The following XYLT1 variants were observed in gnomAD, a reference collection of about 807,000 sequenced individuals.
XYLT1 encodes the protein xylosyltransferase 1.
XYLT1 carries 36 observed loss-of-function variants against 91.3 expected under a neutral mutation model. The ratio of observed to expected loss-of-function variants is 0.39; its 90% confidence interval spans 0.30 to 0.52. XYLT1 has a LOEUF of 0.52. Among genes scored for constraint, XYLT1 ranks in the 20% least tolerant of loss-of-function variants. The pLI is 0.68. For missense variants in XYLT1, 1,242 were observed against 1,284.5 expected, an observed-to-expected ratio of 0.97 and a Z score of 0.51; for synonymous variants, 588 against 532.0, an observed-to-expected ratio of 1.11 and a Z score of -1.45.
intron 3 of XYLT1, among the ~76,000 whole-genome samples, chr16:17,244,400 C>T (rs2033401085): frequency 6.6e-6 from 1 of 152,084 alleles, no homozygotes; most frequent in South Asian, 2.1e-4. Flanking sequence ...GAAGAGGGAT[C>T]CCAGGCAGAA....
intron 1 of XYLT1, among the ~76,000 whole-genome samples, chr16:17,412,618 T>C (rs1394761083): frequency 2.0e-5 from 3 of 152,056 alleles, no homozygotes; most frequent in Non-Finnish European, 4.4e-5. Flanking sequence ...GTAAAGAGGC[T>C]CTAAAGATTC....
intron 10 of XYLT1, among the ~76,000 whole-genome samples, chr16:17,126,348 T>C (rs2030259936): frequency 6.6e-6 from 1 of 152,198 alleles, no homozygotes; most frequent in South Asian, 2.1e-4. Flanking sequence ...ATGTTGTCAA[T>C]TGGCTGCTCA....
At chr16:17,338,805 A>G (rs916535773) in intron 2 of XYLT1, among the ~76,000 whole-genome samples, 2 of 152,044 alleles carry the variant, frequency 1.3e-5, no homozygotes, top group Non-Finnish European at 2.9e-5. Flanking sequence ...GGCTGGTCTT[A>G]AACTCCTGAC....
intron 2 of XYLT1, chr16:17,354,662 G>C (rs961821834): frequency 2.6e-5 from 4 of 152,192 alleles, no homozygotes; most frequent in African/African-American, 9.6e-5. Context: ...AGAAAAGCGG[G>C]AACTGACCCA....
intron 2 of XYLT1, among the ~76,000 whole-genome samples, chr16:17,355,714 G>C (rs774711071): frequency 1.3e-5 from 2 of 152,054 alleles, no homozygotes; most frequent in African/African-American, 2.4e-5. Flanking sequence ...TTTAGGGCTG[G>C]ATCATTCTTT....
intron 2 of XYLT1, among the ~76,000 whole-genome samples, chr16:17,321,787 AC>A (rs930484477): frequency 2.8e-4 from 43 of 152,170 alleles, no homozygotes; most frequent in African/African-American, 1.0e-3. Flanking sequence ...CTCGGTAGAG[AC>A]CAGAGATGCT....
At chr16:17,122,979 C>A (rs1352312948) in intron 10 of XYLT1, among the ~76,000 whole-genome samples, 1 of 152,124 alleles carries the variant, frequency 6.6e-6, no homozygotes, top group Non-Finnish European at 1.5e-5. Context: ...GTGACTATGG[C>A]CTTATAGTAT....
chr16:17,435,129 G>C (rs959831461), intron 1 of XYLT1, among the ~76,000 whole-genome samples: 2 of 152,214 alleles, frequency 1.3e-5, no homozygotes, highest in Non-Finnish European at 2.9e-5. Flanking sequence ...ACATGGTTCA[G>C]GTCCGGCGTG....
chr16:17,443,043 C>T (rs950203425), intron 1 of XYLT1, among the ~76,000 whole-genome samples: 1 of 152,038 alleles, frequency 6.6e-6, no homozygotes, highest in Admixed American at 6.6e-5. Flanking sequence ...TGGAGCAGAC[C>T]GCTTGGGTGC....
In XYLT1 at chr16:17,197,957, T is replaced by G. The variant is rs570452899; in HGVS notation, c.1289+255A>C. On this transcript the variant is annotated intron_variant, in intron 5 of 11. Coordinates refer to ENST00000261381, the MANE Select transcript of XYLT1 (RefSeq NM_022166.4). ...ACCCTAATATAAAGCTCCACGCGGG[T>G]TGGAGTTTCCGTCTGTTTAGTGCAC... The G allele has an allele frequency of 7.5e-5, 41 of 549,410 alleles. No homozygotes were observed. In the East Asian group the frequency reaches 8.8e-4, roughly 12 times the overall value. 34.0% of individuals were successfully genotyped at this position (549,410 alleles called of 1,614,324 possible). A position where few individuals can be genotyped will look rare whatever the true frequency, so the allele number is the denominator to read the frequency against.
chr16:17,349,614 G>A (rs1354679009), intron 2 of XYLT1, among the ~76,000 whole-genome samples: 2 of 151,492 alleles, frequency 1.3e-5, no homozygotes, highest in Non-Finnish European at 2.9e-5. Context: ...TTTGCTACCT[G>A]TTGGGCAAGT....
chr16:17,317,448 C>A (rs937249510), intron 2 of XYLT1, among the ~76,000 whole-genome samples: 1 of 151,296 alleles, frequency 6.6e-6, no homozygotes, highest in African/African-American at 2.4e-5. Flanking sequence ...GCCTGGGTAA[C>A]AGAGTAGTAA....
chr16:17,270,200 G>A (rs1237994838), intron 2 of XYLT1, among the ~76,000 whole-genome samples: 1 of 152,196 alleles, frequency 6.6e-6, no homozygotes, highest in Non-Finnish European at 1.5e-5. Flanking sequence ...ATTGCAACAG[G>A]CATTACTGAT....
At chr16:17,413,421 C>T (rs565307358) in intron 1 of XYLT1, among the ~76,000 whole-genome samples, 118 of 148,550 alleles carry the variant, frequency 7.9e-4, no homozygotes, top group African/African-American at 2.9e-3. Flanking sequence ...TTCAACTACA[C>T]TTTCTTATTT....
chr16:17,387,812 A>G (rs2035765515), intron 1 of XYLT1, among the ~76,000 whole-genome samples: 2 of 152,212 alleles, frequency 1.3e-5, no homozygotes, highest in South Asian at 4.1e-4. Context: ...CAACATTGGC[A>G]TGCCTATTTC....
At position 17,333,303 on chromosome 16, in the gene XYLT1, T is replaced by C. The variant is rs553860256; in HGVS notation, c.402+24709A>G. Among the ~76,000 whole-genome samples, 30 of 152,350 alleles carry C rather than the reference T, an allele frequency of 2.0e-4. No individual in the cohort carries two copies. In the South Asian group the frequency reaches 6.2e-3, roughly 32 times the overall value. On this transcript the variant is annotated intron_variant, in intron 2 of 11. Coordinates refer to ENST00000261381, the MANE Select transcript of XYLT1 (RefSeq NM_022166.4). ...TTGTCATTTCATCATGTGATCCATA[T>C]GGAAAAAGTATCAAATCTAAACAAA...
intron 8 of XYLT1, among the ~76,000 whole-genome samples, chr16:17,137,245 C>T (rs1219320033): frequency 2.6e-5 from 4 of 152,150 alleles, no homozygotes; most frequent in Admixed American, 6.5e-5. Flanking sequence ...TCCATGCCTT[C>T]GTTTCCTTAC....
chr16:17,426,563 A>G (rs542119084), intron 1 of XYLT1, among the ~76,000 whole-genome samples: 2 of 152,306 alleles, frequency 1.3e-5, no homozygotes, highest in East Asian at 1.9e-4. Flanking sequence ...AAATAAATAA[A>G]TAAACAAAAC....
At chr16:17,254,707 T>C (rs12102898) in intron 3 of XYLT1, among the ~76,000 whole-genome samples, 5,709 of 152,284 alleles carry the variant, frequency 0.037, 343 homozygotes, top group African/African-American at 0.13. Context: ...GCTTACTTTA[T>C]TATAAGAATA....
Sources: allele counts gnomAD v4.1 joint callset (sites outside exome capture counted in the v4.1 genomes callset), GRCh38; gene constraint gnomAD v4.1.1; transcripts MANE v1.5; gene names NCBI Gene and HGNC (gene_info 2026-07-23, HGNC 2026-07-21).